The following ZRANB3 variants were observed in gnomAD, a reference collection of about 807,000 sequenced individuals.
ZRANB3 encodes DNA annealing helicase and endonuclease ZRANB3.
In ZRANB3, 125 loss-of-function variants were observed where a neutral mutation model predicts 133.8. The observed-to-expected ratio is 0.93, with a 90% CI of 0.81 to 1.08. The LOEUF (loss-of-function observed/expected upper bound fraction) is 1.08, where lower values mean the gene tolerates loss of function less well. ZRANB3 is among the 50% of genes least tolerant of loss of function. The pLI, the probability that ZRANB3 is intolerant of heterozygous loss-of-function variation, is 0.00. For synonymous variants in ZRANB3, 387 were observed against 432.7 expected (o/e 0.89, Z 1.31); for missense variants, 1,229 against 1,275.5 (o/e 0.96, Z 0.56).
chr2:135,504,237 T>C lies in ZRANB3; in HGVS notation c.161+92A>G, dbSNP rs764579983. 8 of 1,455,244 alleles carry C rather than the reference T, an allele frequency of 5.5e-6. No individual in the cohort carries two copies. The East Asian group carries it at 1.8e-4, about 33-fold the overall frequency. 90.1% of individuals were successfully genotyped at this position (1,455,244 alleles called of 1,614,324 possible). A position where few individuals can be genotyped will look rare whatever the true frequency, so the allele number is the denominator to read the frequency against. On this transcript the variant is annotated intron_variant, in intron 2 of 20. Transcript: ENST00000264159. ...AATCAATTCTACTAAAGAAAGACTGTGAATACACGAAAAGAAAGTTTGAAC... is the reference window on the plus strand; with the variant it reads ...AATCAATTCTACTAAAGAAAGACTGCGAATACACGAAAAGAAAGTTTGAAC...
At chr2:135,493,530 A>G (rs536176093) in intron 2 of ZRANB3, among the ~76,000 whole-genome samples, 65 of 152,252 alleles carry the variant, frequency 4.3e-4, no homozygotes, top group African/African-American at 1.4e-3. Flanking sequence ...TATAACATAT[A>G]TAACTATATA....
chr2:135,521,958 G>A (rs530568619), intron 1 of ZRANB3, among the ~76,000 whole-genome samples: 1 of 152,168 alleles, frequency 6.6e-6, no homozygotes, highest in Non-Finnish European at 1.5e-5. Flanking sequence ...AGCCATGGGC[G>A]GCCTCTGAGG....
intron 2 of ZRANB3, among the ~76,000 whole-genome samples, chr2:135,467,296 T>G (rs1691042584): frequency 6.6e-6 from 1 of 152,186 alleles, no homozygotes; most frequent in South Asian, 2.1e-4. Context: ...CTTGTCCATA[T>G]CTACAGTTAA....
intron 8 of ZRANB3, among the ~76,000 whole-genome samples, chr2:135,287,984 G>C (rs1681469310): frequency 1.3e-5 from 2 of 151,918 alleles, no homozygotes. Context: ...AATAGAAGTG[G>C]TGAAGTGGGC....
chr2:135,228,515 T>C (rs1457474713), intron 13 of ZRANB3, among the ~76,000 whole-genome samples: 1 of 152,148 alleles, frequency 6.6e-6, no homozygotes, highest in Non-Finnish European at 1.5e-5. Context: ...AAATAAAGGA[T>C]CACTTTGGCT....
intron 2 of ZRANB3, among the ~76,000 whole-genome samples, chr2:135,498,065 TAATA>T (rs146727358): frequency 0.061 from 9,163 of 149,498 alleles, 581 homozygotes; most frequent in African/African-American, 0.16. Context: ...AAATAATAAA[TAATA>T]AATAAATAAA....
Position 135,451,065 on chromosome 2 carries a change from C to T in ZRANB3, c.161+53264G>A, listed in dbSNP as rs1690246807. 2.0e-5 allele frequency among the ~76,000 whole-genome samples: 3 copies of T among 152,172 alleles called. No individual in the cohort carries two copies. In the South Asian group the frequency reaches 6.2e-4, roughly 32 times the overall value. On this transcript the variant is annotated intron_variant, in intron 2 of 20. Coordinates refer to ENST00000264159, the MANE Select transcript of ZRANB3 (RefSeq NM_032143.4). The stretch of plus-strand genomic sequence containing the variant: ...GAATATTGTGTACTCAGAAGAGTTT[C>T]TGCCTTCACAGTGGGGCAAAATCAT...
intron 12 of ZRANB3, among the ~76,000 whole-genome samples, chr2:135,264,470 C>CAAA (rs201380002): frequency 1.5e-5 from 1 of 64,942 alleles, no homozygotes; most frequent in Non-Finnish European, 3.3e-5. Flanking sequence ...GACTCTGTCT[C>CAAA]AAAAAAAAAA....
chr2:135,395,159 C>T (rs1025095404), intron 2 of ZRANB3, among the ~76,000 whole-genome samples: 1 of 151,858 alleles, frequency 6.6e-6, no homozygotes, highest in African/African-American at 2.4e-5. Flanking sequence ...ACACACAGAC[C>T]AAAGGAACAG....
At chr2:135,530,962 A>C (rs541018228) in intron 1 of ZRANB3, among the ~76,000 whole-genome samples, 165 bp downstream of exon 1, 5 of 152,176 alleles carry the variant, frequency 3.3e-5, no homozygotes, top group South Asian at 2.1e-4. Context: ...CCGCCACTGA[A>C]GCTGGAGAAA....
chr2:135,477,962 C>A (rs1172197919), intron 2 of ZRANB3, among the ~76,000 whole-genome samples: 2 of 151,972 alleles, frequency 1.3e-5, no homozygotes, highest in Admixed American at 6.6e-5. Flanking sequence ...ACACTCCAAT[C>A]TGAGTGACAG....
At chr2:135,393,445 G>C (rs1687337508) in intron 2 of ZRANB3, among the ~76,000 whole-genome samples, 1 of 150,966 alleles carries the variant, frequency 6.6e-6, no homozygotes, top group South Asian at 2.1e-4. Context: ...TTAAAGCACA[G>C]AACAGAAAGC....
chr2:135,319,567 T>C (rs1438737405), intron 6 of ZRANB3, among the ~76,000 whole-genome samples: 1 of 152,208 alleles, frequency 6.6e-6, no homozygotes, highest in Non-Finnish European at 1.5e-5. Context: ...TTCTGTCAAA[T>C]ATAAGCTATA....
intron 17 of ZRANB3, among the ~76,000 whole-genome samples, chr2:135,213,297 G>A (rs549014199): frequency 1.3e-5 from 2 of 152,214 alleles, no homozygotes; most frequent in Admixed American, 6.5e-5. Flanking sequence ...TCTAAGTCTG[G>A]AGACTCTCTG....
intron 2 of ZRANB3, among the ~76,000 whole-genome samples, chr2:135,398,775 G>A (rs1043083671): frequency 3.7e-5 from 5 of 135,612 alleles, no homozygotes; most frequent in African/African-American, 3.3e-5. Flanking sequence ...CGCCAGCCCC[G>A]GCCTCCCAAA....
At chr2:135,395,998 T>G (rs1483646618) in intron 2 of ZRANB3, among the ~76,000 whole-genome samples, 2 of 152,134 alleles carry the variant, frequency 1.3e-5, no homozygotes, top group Admixed American at 1.3e-4. Flanking sequence ...TCCAATTTTT[T>G]AAATGGACAA....
chr2:135,349,563 C>T (rs575018547), intron 5 of ZRANB3, among the ~76,000 whole-genome samples: 2 of 152,256 alleles, frequency 1.3e-5, no homozygotes, highest in Admixed American at 6.5e-5. Flanking sequence ...CCAAATGTGA[C>T]TCTTAAAGTG....
intron 10 of ZRANB3, among the ~76,000 whole-genome samples, chr2:135,270,265 T>C (rs988374859): frequency 6.6e-6 from 1 of 152,228 alleles, no homozygotes; most frequent in Non-Finnish European, 1.5e-5. Flanking sequence ...ATAAAAAACA[T>C]CATTTGATTA....
chr2:135,412,904 A>T (rs898065135), intron 2 of ZRANB3, among the ~76,000 whole-genome samples: 3 of 152,132 alleles, frequency 2.0e-5, no homozygotes, highest in African/African-American at 4.8e-5. Flanking sequence ...CTTCTTAAAA[A>T]TTCATTAGGT....
Sources: gnomAD v4.1 joint callset for allele counts (sites outside exome capture counted in the v4.1 genomes callset) on GRCh38, gnomAD v4.1.1 for gene constraint, MANE v1.5 for transcripts, NCBI Gene and HGNC (gene_info 2026-07-23, HGNC 2026-07-21) for gene names.